The following WDFY2 variants were observed in gnomAD, a reference collection of about 807,000 sequenced individuals.
The protein encoded by WDFY2 is WD repeat and FYVE domain containing 2.
In WDFY2, 36 loss-of-function variants were observed where a neutral mutation model predicts 56.4. That is an observed-to-expected ratio of 0.64 (90% CI 0.49 to 0.84). The LOEUF (loss-of-function observed/expected upper bound fraction) is 0.84, where lower values mean the gene tolerates loss of function less well. WDFY2 is among the 40% of genes least tolerant of loss of function. The probability of loss-of-function intolerance (pLI) is 0.00; values close to 1 mark genes in which losing one functional copy is unlikely to be tolerated. For missense variants in WDFY2, 444 were observed against 512.2 expected (o/e 0.87, Z 1.29); for synonymous variants, 176 against 183.7 (o/e 0.96, Z 0.34).
chr13:51,703,499 C>A, intron 3 of WDFY2, 97 bp from the exon 4 acceptor site: 1 of 880,330 alleles, frequency 1.1e-6, no homozygotes, highest in Non-Finnish European at 1.7e-6. Context: ...TGGATGTAAT[C>A]GTCATGACAA....
At chr13:51,627,138 G>A (rs920114318) in intron 1 of WDFY2, among the ~76,000 whole-genome samples, 2 of 152,220 alleles carry the variant, frequency 1.3e-5, no homozygotes, top group Admixed American at 1.3e-4. Context: ...CCAGATGAGG[G>A]GAACATGGTG....
At chr13:51,599,301 G>A (rs1390230131) in intron 1 of WDFY2, 1 of 152,196 alleles carries the variant, frequency 6.6e-6, no homozygotes, top group Non-Finnish European at 1.5e-5. Flanking sequence ...AAGTATAGAA[G>A]GCTATAAAGA....
Position 51,585,563 on chromosome 13 carries a change from C to T in WDFY2, c.137+739C>T, listed in dbSNP as rs1385719187. 1.3e-5 allele frequency among the ~76,000 whole-genome samples: 2 copies of T among 152,194 alleles called. 1 individual carries two copies. The highest frequency in any genetic ancestry group is 6.3e-3 in the Middle Eastern group (2 of 316). On this transcript the variant is annotated intron_variant, in intron 1 of 11. Coordinates refer to ENST00000298125, the MANE Select transcript of WDFY2 (RefSeq NM_052950.4). ...GTTGTTCTGCCTTCAAATACTCTCT[C>T]TGTTTTGCGTTTTCGCTTTAACTGA...
At chr13:51,724,558 TA>T (rs1269117355) in intron 5 of WDFY2, among the ~76,000 whole-genome samples, 1 of 152,212 alleles carries the variant, frequency 6.6e-6, no homozygotes, top group Non-Finnish European at 1.5e-5. Context: ...TTTTAAAGAT[TA>T]TTTTTTAGAG....
At chr13:51,629,366 A>G (rs745641662) in intron 1 of WDFY2, among the ~76,000 whole-genome samples, 17 of 152,188 alleles carry the variant, frequency 1.1e-4, no homozygotes, top group Non-Finnish European at 1.8e-4. Context: ...TGTTTGTTTT[A>G]GTATTATGTT....
At chr13:51,627,767 G>A (rs1954864981) in intron 1 of WDFY2, among the ~76,000 whole-genome samples, 1 of 152,146 alleles carries the variant, frequency 6.6e-6, no homozygotes, top group East Asian at 1.9e-4. Context: ...GGTGCTTTAT[G>A]CAACAGAACA....
At chr13:51,620,688 C>G (rs1269063944) in intron 1 of WDFY2, among the ~76,000 whole-genome samples, 2 of 152,126 alleles carry the variant, frequency 1.3e-5, no homozygotes, top group African/African-American at 4.8e-5. Context: ...AGCCATTGTT[C>G]TCTCTGACTT....
At chr13:51,655,845 G>A (rs1161389384) in intron 1 of WDFY2, among the ~76,000 whole-genome samples, 1 of 151,978 alleles carries the variant, frequency 6.6e-6, no homozygotes, top group African/African-American at 2.4e-5. Context: ...CTTGTAATAG[G>A]TTTGTTGAGA....
At chr13:51,592,649 T>A (rs1361256468) in intron 1 of WDFY2, 1 of 152,138 alleles carries the variant, frequency 6.6e-6, no homozygotes, top group East Asian at 1.9e-4. Context: ...TTGACCTCTC[T>A]GTGTGACTAT....
chr13:51,589,857 A>G (rs1954011761), intron 1 of WDFY2: 1 of 152,192 alleles, frequency 6.6e-6, no homozygotes, highest in African/African-American at 2.4e-5. Context: ...GGTCCCAAAG[A>G]GGGAACTTGT....
At chr13:51,685,465 G>A (rs909947412) in intron 3 of WDFY2, among the ~76,000 whole-genome samples, 4 of 152,012 alleles carry the variant, frequency 2.6e-5, no homozygotes, top group South Asian at 4.2e-4. Context: ...TACTGATAGC[G>A]TAAACAGTCG....
chr13:51,660,332 G>A (rs1292452655), intron 1 of WDFY2, among the ~76,000 whole-genome samples: 3 of 151,260 alleles, frequency 2.0e-5, no homozygotes, highest in Admixed American at 6.6e-5. Flanking sequence ...GAGTAGATGG[G>A]ATTACAGGCG....
intron 3 of WDFY2, among the ~76,000 whole-genome samples, chr13:51,698,121 G>A (rs1163445897): frequency 1.3e-5 from 2 of 152,166 alleles, no homozygotes; most frequent in East Asian, 1.9e-4. Context: ...TTTTAGCTCG[G>A]ATTTAAACTG....
At chr13:51,612,451 A>G (rs1190989043) in intron 1 of WDFY2, among the ~76,000 whole-genome samples, 1 of 152,232 alleles carries the variant, frequency 6.6e-6, no homozygotes, top group Non-Finnish European at 1.5e-5. Flanking sequence ...ACACTTTCAA[A>G]TTGTGTTTCA....
chr13:51,642,462 A>AT (rs978114746), intron 1 of WDFY2, among the ~76,000 whole-genome samples: 20 of 150,810 alleles, frequency 1.3e-4, no homozygotes, highest in African/African-American at 4.9e-4. Context: ...TAATTTTATT[A>AT]TTTTTTTTGT....
chr13:51,643,422 T>A (rs1272654594), intron 1 of WDFY2, among the ~76,000 whole-genome samples: 1 of 152,260 alleles, frequency 6.6e-6, no homozygotes, highest in African/African-American at 2.4e-5. Flanking sequence ...TGTAACTGGC[T>A]GGAGGAATAT....
chr13:51,692,620 A>G (rs539893032), intron 3 of WDFY2, among the ~76,000 whole-genome samples: 1 of 152,320 alleles, frequency 6.6e-6, no homozygotes, highest in South Asian at 2.1e-4. Context: ...GGATTTTTGC[A>G]TCAATGTTCA....
In WDFY2 at chr13:51,665,134, ACT is replaced by A. The variant is rs565081668; in HGVS notation, c.205+4476_205+4477del. ...CTAAGGAAAGTTCATTTTAAACCCTACTCTCTATAGAGAATTTGGGGATGACT... is the reference window on the plus strand; with the variant it reads ...CTAAGGAAAGTTCATTTTAAACCCTACTCTATAGAGAATTTGGGGATGACT... On this transcript the variant is annotated intron_variant, in intron 2 of 11. Transcript: ENST00000298125. Among the ~76,000 whole-genome samples, 126 of 151,956 alleles carry A rather than the reference ACT, an allele frequency of 8.3e-4. 1 individual carries two copies. The South Asian group carries it at 0.012, about 14-fold the overall frequency.
intron 1 of WDFY2, among the ~76,000 whole-genome samples, chr13:51,627,014 G>A (rs1190322451): frequency 6.6e-6 from 1 of 152,262 alleles, no homozygotes; most frequent in African/African-American, 2.4e-5. Context: ...AGCCAGGCAT[G>A]CTGGCTGCTG....
Sources: gnomAD v4.1 joint callset for allele counts (sites outside exome capture counted in the v4.1 genomes callset) on GRCh38, gnomAD v4.1.1 for gene constraint, MANE v1.5 for transcripts, NCBI Gene and HGNC (gene_info 2026-07-23, HGNC 2026-07-21) for gene names.